RABGAP1L: variants seen among roughly 807,000 people sequenced by gnomAD.
RABGAP1L encodes the protein rab GTPase-activating protein 1-like.
RABGAP1L carries 63 observed loss-of-function variants against 137.7 expected under a neutral mutation model. The ratio of observed to expected loss-of-function variants is 0.46; its 90% CI spans 0.37 to 0.56. RABGAP1L has a LOEUF of 0.56. Ranked by LOEUF, RABGAP1L falls within the 20% of genes least tolerant of loss-of-function variation. The pLI, the probability that RABGAP1L is intolerant of heterozygous loss-of-function variation, is 0.00. For missense variants in RABGAP1L, 1,095 were observed against 1,244.0 expected (o/e 0.88, Z 1.80); for synonymous variants, 431 against 433.7 (o/e 0.99, Z 0.08).
At chr1:174,900,341 C>G (rs1200535224) in intron 19 of RABGAP1L, among the ~76,000 whole-genome samples, 1 of 152,120 alleles carries the variant, frequency 6.6e-6, no homozygotes, top group Non-Finnish European at 1.5e-5. Context: ...TAGAGGTTTC[C>G]CATTGGTTAC....
intron 16 of RABGAP1L, among the ~76,000 whole-genome samples, chr1:174,701,457 C>T (rs1012662909): frequency 6.6e-6 from 1 of 152,016 alleles, no homozygotes; most frequent in Non-Finnish European, 1.5e-5. Flanking sequence ...GAATTGAACC[C>T]TGGGCTGGGT....
chr1:174,930,732 T>G (rs747590733), intron 19 of RABGAP1L, among the ~76,000 whole-genome samples: 14 of 152,238 alleles, frequency 9.2e-5, no homozygotes, highest in Non-Finnish European at 1.9e-4. Context: ...TTTTCTTGTT[T>G]TATATCTCCC....
chr1:174,321,675 G>C (rs1680007661), intron 11 of RABGAP1L, among the ~76,000 whole-genome samples: 1 of 152,106 alleles, frequency 6.6e-6, no homozygotes, highest in Non-Finnish European at 1.5e-5. Flanking sequence ...CTACGAATAG[G>C]TTCGCTGGGT....
chr1:174,794,420 GA>G (rs1312860887), intron 18 of RABGAP1L, among the ~76,000 whole-genome samples: 3 of 152,086 alleles, frequency 2.0e-5, no homozygotes, highest in African/African-American at 4.8e-5. Context: ...TGGAAAGAAT[GA>G]AAAAAACTAC....
chr1:174,640,855 A>C (rs898455439), intron 14 of RABGAP1L, among the ~76,000 whole-genome samples: 4 of 151,186 alleles, frequency 2.6e-5, no homozygotes, highest in Non-Finnish European at 5.9e-5. Context: ...AATGCATCTA[A>C]TGATTAACCA....
intron 21 of RABGAP1L, among the ~76,000 whole-genome samples, chr1:174,974,551 G>A (rs1349942496): frequency 6.6e-6 from 1 of 152,038 alleles, no homozygotes; most frequent in African/African-American, 2.4e-5. Flanking sequence ...CATTCTCAAG[G>A]TCTACCTCTC....
At chr1:174,877,217 T>C (rs1047605892) in intron 19 of RABGAP1L, among the ~76,000 whole-genome samples, 2 of 152,316 alleles carry the variant, frequency 1.3e-5, no homozygotes, top group East Asian at 3.9e-4. Context: ...TTTTCCAGCT[T>C]CTCTGTTATA....
In RABGAP1L at chr1:174,806,656, A is replaced by C. The variant is rs541493096; in HGVS notation, c.2212-5176A>C. 4.6e-5 allele frequency among the ~76,000 whole-genome samples: 7 copies of C among 152,350 alleles called. No individual in the cohort carries two copies. The East Asian group carries it at 1.4e-3, about 29-fold the overall frequency. The stretch of plus-strand genomic sequence containing the variant: ...CAATAATTAGTGCTAGGATGGTGAG[A>C]TAGTAGCACTAGGATGGTGAGAACT... On this transcript the variant is annotated intron_variant, in intron 18 of 25. Coordinates refer to ENST00000681986, the MANE Select transcript of RABGAP1L (RefSeq NM_001366446.1).
chr1:174,657,637 A>G (rs1367472352), intron 14 of RABGAP1L, among the ~76,000 whole-genome samples: 3 of 152,080 alleles, frequency 2.0e-5, no homozygotes, highest in Non-Finnish European at 4.4e-5. Flanking sequence ...TTATCCATTC[A>G]TCTGTTGTTG....
At chr1:174,938,616 A>T (rs993510831) in intron 19 of RABGAP1L, 1 of 152,170 alleles carries the variant, frequency 6.6e-6, no homozygotes, top group Non-Finnish European at 1.5e-5. Flanking sequence ...TGCGCTAGTT[A>T]TATAGTCAGT....
At chr1:174,243,516 T>TA (rs978463536) in intron 5 of RABGAP1L, among the ~76,000 whole-genome samples, 23 of 152,238 alleles carry the variant, frequency 1.5e-4, no homozygotes, top group African/African-American at 5.3e-4. Flanking sequence ...TATTTCTTTT[T>TA]AAAAAAAATT....
At chr1:174,691,474 G>T (rs115496096) in intron 15 of RABGAP1L, among the ~76,000 whole-genome samples, 1 of 152,014 alleles carries the variant, frequency 6.6e-6, no homozygotes, top group African/African-American at 2.4e-5. Flanking sequence ...ATTACCAAAC[G>T]GTGATTACAT....
At chr1:174,326,059 CT>C (rs1383098925) in intron 11 of RABGAP1L, among the ~76,000 whole-genome samples, 1 of 152,152 alleles carries the variant, frequency 6.6e-6, no homozygotes, top group African/African-American at 2.4e-5. Flanking sequence ...GCTCAGATTC[CT>C]AAACAAGCCC....
intron 11 of RABGAP1L, among the ~76,000 whole-genome samples, chr1:174,331,011 TAG>T (rs1207663597): frequency 1.3e-5 from 2 of 152,018 alleles, no homozygotes; most frequent in Admixed American, 6.6e-5. Flanking sequence ...TGGAACAAAA[TAG>T]AGAGTCCCGA....
chr1:174,421,869 A>G lies in RABGAP1L; in HGVS notation c.1710+27724A>G, dbSNP rs1477741689. On this transcript the variant is annotated intron_variant, in intron 13 of 25. Coordinates refer to ENST00000681986, the MANE Select transcript of RABGAP1L (RefSeq NM_001366446.1). The stretch of plus-strand genomic sequence containing the variant: ...CTGCAAACTCTGCATACTGGGTTCA[A>G]GTGATTCTCCTGCCTTATCCTCCTG... Among the ~76,000 whole-genome samples, 14 of 152,174 alleles carry G rather than the reference A, an allele frequency of 9.2e-5. 1 individual carries two copies. The highest frequency in any genetic ancestry group is 9.2e-4 in the Admixed American group (14 of 15,284).
rs756978438 is a variant in RABGAP1L at position 174,272,441 on chromosome 1, T to G, written c.1014T>G (p.Gly338=). Residue 338 remains glycine, a synonymous_variant, in exon 8 of 26, where the codon GGT becomes GGG. Transcript: ENST00000681986. Reference sequence around the variant, plus strand: ...GTTTTGGAATGTTATTAAGCCCAGGTCGAAACGTGAAGAACAGTGACATGC... The same window carrying G: ...GTTTTGGAATGTTATTAAGCCCAGGGCGAAACGTGAAGAACAGTGACATGC... The part of the protein sequence containing the change: ...ERCFGMLLSP[G]RNVKNSDMHL... 70 of 1,603,034 alleles carry G rather than the reference T, an allele frequency of 4.4e-5. 1 individual carries two copies. In the South Asian group the frequency reaches 7.5e-4, roughly 17 times the overall value.
chr1:174,360,199 T>G (rs1684010308), intron 11 of RABGAP1L, among the ~76,000 whole-genome samples: 1 of 151,876 alleles, frequency 6.6e-6, no homozygotes, highest in Admixed American at 6.6e-5. Context: ...GGGTTTATAG[T>G]AATAGGTTTT....
intron 13 of RABGAP1L, among the ~76,000 whole-genome samples, chr1:174,611,900 T>G (rs961637461): frequency 2.9e-4 from 44 of 152,348 alleles, no homozygotes; most frequent in African/African-American, 9.9e-4. Flanking sequence ...TTTTGCACAT[T>G]GATTTTGTTT....
intron 13 of RABGAP1L, among the ~76,000 whole-genome samples, chr1:174,500,218 T>G (rs1267045473): frequency 2.6e-5 from 4 of 152,096 alleles, no homozygotes; most frequent in Non-Finnish European, 5.9e-5. Context: ...TAGCTGAGAT[T>G]ACAGGCGCAC....
Sources: gnomAD v4.1 joint callset for allele counts (sites outside exome capture counted in the v4.1 genomes callset) on GRCh38, gnomAD v4.1.1 for gene constraint, MANE v1.5 for transcripts, NCBI Gene and HGNC (gene_info 2026-07-23, HGNC 2026-07-21) for gene names.